The following MACROD2 variants were observed in gnomAD, a reference collection of about 807,000 sequenced individuals.
MACROD2 encodes ADP-ribose glycohydrolase MACROD2.
Under a neutral mutation model 70.4 loss-of-function variants are expected in MACROD2, and 36 were observed. That is an observed-to-expected ratio of 0.51 (90% CI 0.39 to 0.68). The LOEUF is 0.68. MACROD2 is among the 30% of genes least tolerant of loss of function. MACROD2 has a pLI of 0.00. For missense variants in MACROD2, 496 were observed against 538.4 expected, an observed-to-expected ratio of 0.92 and a Z score of 0.78; for synonymous variants, 172 against 178.8, an observed-to-expected ratio of 0.96 and a Z score of 0.30.
chr20:14,899,703 CT>C (rs1322865713), intron 5 of MACROD2, among the ~76,000 whole-genome samples: 1 of 152,070 alleles, frequency 6.6e-6, no homozygotes, highest in South Asian at 2.1e-4. Context: ...TTCAACATAT[CT>C]TTTTTAGGGG....
At chr20:15,933,247 T>TCC in intron 10 of MACROD2, 29 bp from the exon 11 acceptor site, 1 of 1,587,560 alleles carries the variant, frequency 6.3e-7, no homozygotes, top group Non-Finnish European at 8.6e-7. Flanking sequence ...ACTTGATGCA[T>TCC]TTTTTTTCCT....
At chr20:14,175,407 GT>G (rs2148727100) in intron 3 of MACROD2, among the ~76,000 whole-genome samples, 1 of 152,188 alleles carries the variant, frequency 6.6e-6, no homozygotes, top group African/African-American at 2.4e-5. Context: ...AGTGTTCTGT[GT>G]TCCTATGATT....
intron 3 of MACROD2, among the ~76,000 whole-genome samples, chr20:14,403,943 T>C (rs1329019697): frequency 6.6e-6 from 1 of 152,086 alleles, no homozygotes; most frequent in African/African-American, 2.4e-5. Context: ...ATTTATATGT[T>C]TAATATGATA....
intron 4 of MACROD2, among the ~76,000 whole-genome samples, chr20:14,675,378 G>A (rs2070847294): frequency 6.6e-6 from 1 of 152,192 alleles, no homozygotes; most frequent in East Asian, 1.9e-4. Context: ...CTACAAGCCA[G>A]AAGAGAGTGG....
At chr20:14,313,632 A>G (rs1195574341) in intron 3 of MACROD2, among the ~76,000 whole-genome samples, 2 of 152,192 alleles carry the variant, frequency 1.3e-5, no homozygotes, top group Non-Finnish European at 2.9e-5. Context: ...ATTGCAGCAT[A>G]ATAAATATTG....
intron 3 of MACROD2, among the ~76,000 whole-genome samples, chr20:14,102,248 C>T (rs1007744505): frequency 2.0e-5 from 3 of 151,794 alleles, no homozygotes; most frequent in South Asian, 2.1e-4. Flanking sequence ...GTGATCTGCC[C>T]GCCTCAGCCT....
At chr20:15,696,835 T>C (rs2050383241) in intron 8 of MACROD2, among the ~76,000 whole-genome samples, 1 of 152,082 alleles carries the variant, frequency 6.6e-6, no homozygotes, top group Admixed American at 6.5e-5. Flanking sequence ...CTAGTTTATG[T>C]GCATAAAGGT....
chr20:14,918,149 T>G (rs1022819881), intron 5 of MACROD2, among the ~76,000 whole-genome samples: 19 of 152,012 alleles, frequency 1.2e-4, no homozygotes, highest in Admixed American at 2.6e-4. Context: ...AATTTTTGTA[T>G]TATTTTTGTA....
chr20:15,492,036 G>T (rs1228079484), intron 7 of MACROD2, among the ~76,000 whole-genome samples: 1 of 152,170 alleles, frequency 6.6e-6, no homozygotes, highest in Non-Finnish European at 1.5e-5. Flanking sequence ...TGTGCTCCTG[G>T]GCGAAGCCAG....
intron 8 of MACROD2, among the ~76,000 whole-genome samples, chr20:15,541,044 G>A (rs1209962075): frequency 1.3e-5 from 2 of 152,100 alleles, no homozygotes. Flanking sequence ...TTCAAGGCAG[G>A]GATTTTTAGA....
intron 13 of MACROD2, among the ~76,000 whole-genome samples, chr20:15,984,660 C>T (rs982352306): frequency 8.1e-5 from 12 of 147,304 alleles, no homozygotes; most frequent in South Asian, 2.2e-4. Context: ...TTTTTTAAAG[C>T]GAACTTTCTT....
chr20:15,348,719 A>G (rs753015339), intron 6 of MACROD2, among the ~76,000 whole-genome samples: 2 of 152,110 alleles, frequency 1.3e-5, no homozygotes, highest in Non-Finnish European at 2.9e-5. Context: ...ATAAAACCAT[A>G]AGATCTCGTG....
chr20:14,511,887 A>G (rs922343893), intron 4 of MACROD2, among the ~76,000 whole-genome samples: 7 of 151,784 alleles, frequency 4.6e-5, no homozygotes, highest in Admixed American at 2.0e-4. Context: ...TCTAACCTCA[A>G]TTCTTCCATA....
At chr20:14,599,281 T>A (rs941720798) in intron 4 of MACROD2, among the ~76,000 whole-genome samples, 1 of 152,038 alleles carries the variant, frequency 6.6e-6, no homozygotes, top group African/African-American at 2.4e-5. Context: ...AAATGCATGG[T>A]AAGTACTGTT....
chr20:15,969,451 A>G (rs2066196478), intron 13 of MACROD2, among the ~76,000 whole-genome samples: 1 of 152,182 alleles, frequency 6.6e-6, no homozygotes, highest in South Asian at 2.1e-4. Flanking sequence ...ATAAGGAGAT[A>G]AAGATAAGAT....
At chr20:14,514,584 A>G (rs1568648195) in intron 4 of MACROD2, among the ~76,000 whole-genome samples, 1 of 152,220 alleles carries the variant, frequency 6.6e-6, no homozygotes, top group African/African-American at 2.4e-5. Flanking sequence ...CTGTTAAACC[A>G]CTGAATTTTT....
chr20:15,528,318 A>G (rs1278404914), intron 8 of MACROD2, among the ~76,000 whole-genome samples: 4 of 152,170 alleles, frequency 2.6e-5, no homozygotes, highest in African/African-American at 7.2e-5. Flanking sequence ...TATTTTTAGT[A>G]GACATGGGGT....
intron 5 of MACROD2, among the ~76,000 whole-genome samples, chr20:14,864,973 C>T (rs1464200423): frequency 6.6e-6 from 1 of 152,030 alleles, no homozygotes; most frequent in African/African-American, 2.4e-5. Context: ...ATAGGAGCTT[C>T]CAAGCTTGAC....
intron 3 of MACROD2, among the ~76,000 whole-genome samples, chr20:14,156,857 A>G (rs1445448264): frequency 6.6e-6 from 1 of 152,220 alleles, no homozygotes; most frequent in Admixed American, 6.5e-5. Context: ...GCAATAGTCA[A>G]TGTAATTTCA....
Sources: allele counts gnomAD v4.1 joint callset (sites outside exome capture counted in the v4.1 genomes callset), GRCh38; gene constraint gnomAD v4.1.1; transcripts MANE v1.5; gene names NCBI Gene and HGNC (gene_info 2026-07-23, HGNC 2026-07-21).